DNM3: variants seen among roughly 807,000 people sequenced by gnomAD.
DNM3 encodes the protein dynamin-3.
Under a neutral mutation model 101.6 loss-of-function variants are expected in DNM3, and 47 were observed. The ratio of observed to expected loss-of-function variants is 0.46; its 90% CI spans 0.37 to 0.59. DNM3 has a LOEUF of 0.59. Among genes scored for constraint, DNM3 ranks in the 20% least tolerant of loss-of-function variants. The pLI, the probability that DNM3 is intolerant of heterozygous loss-of-function variation, is 0.00. For missense variants in DNM3, 849 were observed against 1,085.7 expected (o/e 0.78, Z 3.06); for synonymous variants, 385 against 387.9 (o/e 0.99, Z 0.09).
chr1:172,151,934 G>C (rs1253891050), intron 14 of DNM3, among the ~76,000 whole-genome samples: 1 of 152,090 alleles, frequency 6.6e-6, no homozygotes, highest in Non-Finnish European at 1.5e-5. Flanking sequence ...GGAGTGCAGT[G>C]GTGCAGTAAT....
chr1:172,313,558 A>G (rs2065170355), intron 16 of DNM3, among the ~76,000 whole-genome samples: 1 of 152,212 alleles, frequency 6.6e-6, no homozygotes, highest in Non-Finnish European at 1.5e-5. Flanking sequence ...GGTAGACTTC[A>G]AGTCAAATCC....
chr1:172,034,666 A>C (rs1368368758), intron 6 of DNM3, among the ~76,000 whole-genome samples: 1 of 151,956 alleles, frequency 6.6e-6, no homozygotes, highest in Non-Finnish European at 1.5e-5. Flanking sequence ...AATAATATTT[A>C]TACTATGTTT....
intron 1 of DNM3, among the ~76,000 whole-genome samples, chr1:171,909,989 G>C (rs1209262732): frequency 1.3e-5 from 2 of 152,144 alleles, no homozygotes; most frequent in Non-Finnish European, 2.9e-5. Context: ...TATTTGAATT[G>C]AGCACACTGC....
intron 2 of DNM3, among the ~76,000 whole-genome samples, chr1:171,932,494 A>C (rs2041107107): frequency 6.6e-6 from 1 of 151,954 alleles, no homozygotes; most frequent in African/African-American, 2.4e-5. Context: ...TTTCTTAGTA[A>C]AAAAATTTTT....
rs75956106 is a variant in DNM3, at chr1:172,094,911, T to A, written c.1545+2036T>A. 5.8e-3 allele frequency among the ~76,000 whole-genome samples: 889 copies of A among 152,318 alleles called. 10 individuals carry two copies. Among genetic ancestry groups the A allele is most frequent in the African/African-American group, 0.02 (841 of 41,570 alleles). On this transcript the variant is annotated intron_variant, in intron 13 of 20. Coordinates refer to ENST00000627582, the MANE Select transcript of DNM3 (RefSeq NM_015569.5). ...GCATCGCTTAGCTCACAGAAGTATG[T>A]ACATGTAGGAAAATCAATAGTATAA...
intron 15 of DNM3, among the ~76,000 whole-genome samples, chr1:172,284,444 A>G (rs2063617465): frequency 6.6e-6 from 1 of 152,202 alleles, no homozygotes; most frequent in Non-Finnish European, 1.5e-5. Flanking sequence ...CAATCCATTT[A>G]CCATCCTTTT....
At chr1:172,276,422 G>A (rs1160924292) in intron 15 of DNM3, among the ~76,000 whole-genome samples, 1 of 151,880 alleles carries the variant, frequency 6.6e-6, no homozygotes, top group Non-Finnish European at 1.5e-5. Context: ...CTCTAAACAG[G>A]AAGAAGTTTG....
At chr1:172,271,790 A>C (rs568785952) in intron 15 of DNM3, among the ~76,000 whole-genome samples, 1 of 152,164 alleles carries the variant, frequency 6.6e-6, no homozygotes, top group Non-Finnish European at 1.5e-5. Context: ...TTGTAACATC[A>C]TACATTTGTC....
chr1:172,404,159 G>T (rs1367187249), intron 20 of DNM3, among the ~76,000 whole-genome samples: 2 of 151,988 alleles, frequency 1.3e-5, no homozygotes, highest in African/African-American at 4.8e-5. Flanking sequence ...ACATATTTGG[G>T]TTCCTTTAAC....
chr1:171,918,905 A>C (rs2039933267), intron 1 of DNM3, among the ~76,000 whole-genome samples: 1 of 152,228 alleles, frequency 6.6e-6, no homozygotes, highest in Non-Finnish European at 1.5e-5. Context: ...ATATATGGTC[A>C]CAAGCATGAA....
intron 2 of DNM3, among the ~76,000 whole-genome samples, chr1:171,937,032 G>A (rs553975662): frequency 1.3e-5 from 2 of 152,314 alleles, no homozygotes; most frequent in African/African-American, 4.8e-5. Context: ...TTTCACCGAT[G>A]AGATATTTTA....
chr1:172,072,045 G>A (rs2052239817), intron 11 of DNM3, among the ~76,000 whole-genome samples: 1 of 152,048 alleles, frequency 6.6e-6, no homozygotes, highest in Admixed American at 6.6e-5. Context: ...GTTAATGTGT[G>A]TGAACGTCCA....
At chr1:172,401,483 A>C (rs1236890980) in intron 20 of DNM3, among the ~76,000 whole-genome samples, 1 of 152,216 alleles carries the variant, frequency 6.6e-6, no homozygotes, top group Non-Finnish European at 1.5e-5. Context: ...TGTTTGTATC[A>C]TCAAAAAATT....
intron 16 of DNM3, among the ~76,000 whole-genome samples, chr1:172,322,258 T>C (rs1283678446): frequency 1.3e-5 from 2 of 152,162 alleles, no homozygotes; most frequent in Non-Finnish European, 2.9e-5. Context: ...GACCTGTGAC[T>C]CCGCCCTGTT....
At chr1:172,114,194 G>A (rs1222105371) in intron 13 of DNM3, among the ~76,000 whole-genome samples, 1 of 152,226 alleles carries the variant, frequency 6.6e-6, no homozygotes, top group Non-Finnish European at 1.5e-5. Context: ...CCTCTCTGAA[G>A]AGGGATGGTA....
intron 7 of DNM3, among the ~76,000 whole-genome samples, chr1:172,041,331 G>T (rs190804084): frequency 1.3e-5 from 2 of 152,176 alleles, no homozygotes; most frequent in African/African-American, 4.8e-5. Context: ...CCTGCCTGGG[G>T]TGGGTGGTAT....
downstream of DNM3, among the ~76,000 whole-genome samples, chr1:172,415,017 G>C (rs1447089095): frequency 6.6e-6 from 1 of 152,212 alleles, no homozygotes; most frequent in East Asian, 1.9e-4. Flanking sequence ...CCAGGAGTTT[G>C]AGACTGCAGT....
At chr1:172,219,932 A>G (rs563957031) in intron 14 of DNM3, among the ~76,000 whole-genome samples, 31 of 152,242 alleles carry the variant, frequency 2.0e-4, no homozygotes, top group African/African-American at 7.2e-4. Context: ...AATACACATG[A>G]GCAGGGAATT....
chr1:172,321,927 G>A (rs1421339488), intron 16 of DNM3, among the ~76,000 whole-genome samples: 1 of 151,998 alleles, frequency 6.6e-6, no homozygotes, highest in Non-Finnish European at 1.5e-5. Context: ...TTTTTAAAAA[G>A]GACTCTTTTT....
Sources: gnomAD v4.1 joint callset for allele counts (sites outside exome capture counted in the v4.1 genomes callset) on GRCh38, gnomAD v4.1.1 for gene constraint, MANE v1.5 for transcripts, NCBI Gene and HGNC (gene_info 2026-07-23, HGNC 2026-07-21) for gene names.